The following PSD3 variants were observed in gnomAD, a reference collection of about 807,000 sequenced individuals.
PSD3 encodes the protein PH and SEC7 domain-containing protein 3.
Under a neutral mutation model 105.5 loss-of-function variants are expected in PSD3, and 49 were observed. The observed-to-expected ratio is 0.46, with a 90% CI of 0.37 to 0.59. The LOEUF is 0.59. Among genes scored for constraint, PSD3 ranks in the 20% least tolerant of loss-of-function variants. The pLI is 0.00. For missense variants in PSD3, 1,561 were observed against 1,263.8 expected, an observed-to-expected ratio of 1.24 and a Z score of -3.57; for synonymous variants, 557 against 457.8, an observed-to-expected ratio of 1.22 and a Z score of -2.77.
intron 4 of PSD3, among the ~76,000 whole-genome samples, chr8:18,856,630 A>G (rs923810667): frequency 2.0e-5 from 3 of 152,234 alleles, no homozygotes; most frequent in African/African-American, 7.2e-5. Context: ...TTGACAAGAA[A>G]ATGTCACCTT....
chr8:18,700,462 T>A (rs1801513209), intron 9 of PSD3, among the ~76,000 whole-genome samples: 1 of 152,190 alleles, frequency 6.6e-6, no homozygotes, highest in Non-Finnish European at 1.5e-5. Flanking sequence ...GTGTGAACAC[T>A]CGTGAGAGGC....
At chr8:18,919,050 T>C (rs1388981122) in intron 2 of PSD3, among the ~76,000 whole-genome samples, 3 of 152,152 alleles carry the variant, frequency 2.0e-5, no homozygotes, top group Non-Finnish European at 4.4e-5. Flanking sequence ...TAAGCACTAG[T>C]CCCTATCTTC....
Position 18,945,312 on chromosome 8 carries a change from T to C in PSD3, c.22-9170A>G, listed in dbSNP as rs202156158. 8.3e-3 allele frequency among the ~76,000 whole-genome samples: 156 copies of C among 18,858 alleles called. 1 individual carries two copies. The highest frequency in any genetic ancestry group is 0.025 in the African/African-American group (132 of 5,270). 12.4% of individuals were successfully genotyped at this position (18,858 alleles called of 152,430 possible). A position where few individuals can be genotyped will look rare whatever the true frequency, so the allele number is the denominator to read the frequency against. ...CTTATAAGAGGGAAGAAAAGAAAGA[T>C]TATGAGGCAGAAGAGAAGAAAGTCA... On this transcript the variant is annotated intron_variant, in intron 1 of 15. Coordinates refer to ENST00000327040, the MANE Select transcript of PSD3 (RefSeq NM_015310.4).
intron 1 of PSD3, among the ~76,000 whole-genome samples, chr8:18,949,182 A>G (rs1823048729): frequency 8.1e-6 from 1 of 123,754 alleles, no homozygotes; most frequent in Admixed American, 9.6e-5. Flanking sequence ...AGATTGTGCC[A>G]CTGCACTCCA....
intron 1 of PSD3, among the ~76,000 whole-genome samples, chr8:18,952,712 G>C (rs1342396028): frequency 6.6e-6 from 1 of 152,172 alleles, no homozygotes; most frequent in Non-Finnish European, 1.5e-5. Context: ...TTTTCAGAGT[G>C]GCCAAAGCAT....
intron 4 of PSD3, among the ~76,000 whole-genome samples, chr8:18,808,536 C>T (rs1811402273): frequency 1.3e-5 from 2 of 152,174 alleles, no homozygotes; most frequent in Admixed American, 1.3e-4. Flanking sequence ...TCCTCACATT[C>T]ACCAAAACCA....
chr8:18,896,304 A>T (rs1205123311), intron 2 of PSD3, among the ~76,000 whole-genome samples: 1 of 152,204 alleles, frequency 6.6e-6, no homozygotes, highest in Non-Finnish European at 1.5e-5. Context: ...TCTTCAACAT[A>T]CTGATTTCCT....
intron 8 of PSD3, among the ~76,000 whole-genome samples, chr8:18,793,123 A>C (rs2129446540): frequency 6.6e-6 from 1 of 152,206 alleles, no homozygotes; most frequent in Non-Finnish European, 1.5e-5. Flanking sequence ...GGAACTGAAC[A>C]ATGAGAACAC....
chr8:18,636,188 C>T (rs1444565937), intron 10 of PSD3, among the ~76,000 whole-genome samples: 1 of 152,076 alleles, frequency 6.6e-6, no homozygotes, highest in Non-Finnish European at 1.5e-5. Flanking sequence ...TGGCCCTAAG[C>T]CAGCGTGTGT....
chr8:18,590,242 C>T (rs1803495523), intron 12 of PSD3, among the ~76,000 whole-genome samples: 1 of 152,090 alleles, frequency 6.6e-6, no homozygotes, highest in South Asian at 2.1e-4. Context: ...TCCCAGTCTC[C>T]ATTCCAAAGC....
Position 18,936,867 on chromosome 8 carries a change from A to C in PSD3, c.22-725T>G, listed in dbSNP as rs141368456. On this transcript the variant is annotated intron_variant, in intron 1 of 15. Coordinates refer to ENST00000327040, the MANE Select transcript of PSD3 (RefSeq NM_015310.4). Reference sequence around the variant, plus strand: ...ATATTTCTTTGTGTGGCTTCTGTTAAAGTACACCAACAAAAAAACCAGTCT... The same window carrying C: ...ATATTTCTTTGTGTGGCTTCTGTTACAGTACACCAACAAAAAAACCAGTCT... Among the ~76,000 whole-genome samples, 5 of 152,324 alleles carry C rather than the reference A, an allele frequency of 3.3e-5. No homozygotes were observed. In the East Asian group the frequency reaches 9.6e-4, roughly 29 times the overall value.
intron 11 of PSD3, among the ~76,000 whole-genome samples, chr8:18,627,945 T>G (rs1340554128): frequency 6.6e-6 from 1 of 151,454 alleles, no homozygotes; most frequent in Non-Finnish European, 1.5e-5. Context: ...TTCAAGGACA[T>G]GAAGAAAAAC....
At chr8:19,067,446 G>T (rs1335412917) in intron 1 of PSD3, among the ~76,000 whole-genome samples, 1 of 152,108 alleles carries the variant, frequency 6.6e-6, no homozygotes, top group Non-Finnish European at 1.5e-5. Context: ...CCCACAGAAG[G>T]CACCAGAACA....
At chr8:18,736,897 T>A (rs1804189157) in intron 9 of PSD3, among the ~76,000 whole-genome samples, 2 of 152,222 alleles carry the variant, frequency 1.3e-5, no homozygotes, top group African/African-American at 4.8e-5. Context: ...TGAGCATTCT[T>A]TCCAAATGAA....
chr8:18,700,742 T>G (rs549093630), intron 9 of PSD3, among the ~76,000 whole-genome samples: 1 of 152,300 alleles, frequency 6.6e-6, no homozygotes, highest in Non-Finnish European at 1.5e-5. Context: ...TTTGGTTTTT[T>G]CTTTCTTTCC....
chr8:18,763,301 T>G (rs1469331644), intron 9 of PSD3, among the ~76,000 whole-genome samples: 2 of 152,156 alleles, frequency 1.3e-5, no homozygotes, highest in Non-Finnish European at 2.9e-5. Context: ...AATTTTTCCT[T>G]TTATTTCACA....
intron 9 of PSD3, among the ~76,000 whole-genome samples, chr8:18,719,788 T>G (rs1802834225): frequency 6.6e-6 from 1 of 152,220 alleles, no homozygotes; most frequent in Non-Finnish European, 1.5e-5. Context: ...AGAGCTGGTT[T>G]CATTTTAACC....
intron 8 of PSD3, among the ~76,000 whole-genome samples, chr8:18,767,385 C>G (rs1172489235): frequency 6.6e-6 from 1 of 152,152 alleles, no homozygotes; most frequent in Non-Finnish European, 1.5e-5. Context: ...ACGCAGAGCA[C>G]AGAGAAGTGT....
intron 9 of PSD3, among the ~76,000 whole-genome samples, chr8:18,670,178 C>A (rs920845547): frequency 9.2e-5 from 14 of 152,146 alleles, no homozygotes; most frequent in African/African-American, 2.4e-5. Flanking sequence ...TGACCGGGAG[C>A]AGCCACGCAC....
Sources: allele counts gnomAD v4.1 joint callset (sites outside exome capture counted in the v4.1 genomes callset), GRCh38; gene constraint gnomAD v4.1.1; transcripts MANE v1.5; gene names NCBI Gene and HGNC (gene_info 2026-07-23, HGNC 2026-07-21).